The following PTPRM variants were observed in gnomAD, a reference collection of about 807,000 sequenced individuals.
The protein encoded by PTPRM is receptor-type tyrosine-protein phosphatase mu.
A neutral mutation model predicts 186.7 loss-of-function variants in PTPRM; 47 were observed. The observed-to-expected ratio is 0.25, with a 90% CI of 0.20 to 0.32. The LOEUF (loss-of-function observed/expected upper bound fraction) is 0.32. Among genes scored for constraint, PTPRM ranks in the 10% least tolerant of loss-of-function variants. The pLI, the probability that PTPRM is intolerant of heterozygous loss-of-function variation, is 1.00. For missense variants in PTPRM, 1,494 were observed against 1,865.0 expected, an observed-to-expected ratio of 0.80 and a Z score of 3.66; for synonymous variants, 668 against 674.9, an observed-to-expected ratio of 0.99 and a Z score of 0.16.
In PTPRM at chr18:8,244,170, G is replaced by C. The variant is rs777712859; in HGVS notation, c.2413G>C (p.Ala805Pro). 47 of 1,595,102 alleles carry C rather than the reference G, an allele frequency of 2.9e-5. No individual in the cohort carries two copies. Among genetic ancestry groups the C allele is most frequent in the Non-Finnish European group, 3.7e-5 (44 of 1,173,392 alleles). Reference protein sequence around the residue: ...YAEQGTNCDEAFSFMDTHNLN... With the variant: ...YAEQGTNCDEPFSFMDTHNLN... ...TGAGCAGGGCACAAACTGCGACGAG[G>C]CTTTCTCATTCATGGACACGCACAA... Residue 805 changes from alanine (A) to proline (P), a missense_variant, in exon 15 of 33, where the codon GCT becomes CCT. Physicochemically the swap from Ala to Pro is conservative, Grantham distance 27 (BLOSUM62 -1). Coordinates refer to ENST00000580170, the MANE Select transcript of PTPRM (RefSeq NM_001105244.2).
At chr18:8,202,589 ATT>A (rs11397601) in intron 14 of PTPRM, among the ~76,000 whole-genome samples, 3 of 146,634 alleles carry the variant, frequency 2.0e-5, no homozygotes, top group African/African-American at 5.0e-5. Context: ...TTGTTCTCTG[ATT>A]TTTTTTTTTT....
At chr18:8,302,492 G>A (rs2095170045) in intron 20 of PTPRM, among the ~76,000 whole-genome samples, 1 of 151,986 alleles carries the variant, frequency 6.6e-6, no homozygotes, top group Non-Finnish European at 1.5e-5. Context: ...CATTAAAGGG[G>A]TTGGGGGGGT....
At chr18:7,985,665 T>C (rs1036520192) in intron 7 of PTPRM, among the ~76,000 whole-genome samples, 1 of 150,540 alleles carries the variant, frequency 6.6e-6, no homozygotes, top group African/African-American at 2.4e-5. Context: ...TATATATATA[T>C]GTATATGTAT....
intron 24 of PTPRM, among the ~76,000 whole-genome samples, chr18:8,374,130 A>G (rs763917034): frequency 6.6e-6 from 1 of 152,224 alleles, no homozygotes; most frequent in African/African-American, 2.4e-5. Context: ...ACTCTTGTCA[A>G]TAGCAAACAT....
intron 11 of PTPRM, among the ~76,000 whole-genome samples, chr18:8,106,903 T>C (rs969368685): frequency 1.3e-5 from 2 of 152,196 alleles, no homozygotes; most frequent in African/African-American, 4.8e-5. Flanking sequence ...TGCCTTTCTC[T>C]GATAGTTGCA....
chr18:7,744,955 A>G (rs1051240983), intron 1 of PTPRM, among the ~76,000 whole-genome samples: 1 of 152,194 alleles, frequency 6.6e-6, no homozygotes, highest in Non-Finnish European at 1.5e-5. Context: ...GAGTCTTTCT[A>G]TCACTTATGT....
intron 7 of PTPRM, among the ~76,000 whole-genome samples, chr18:8,034,436 A>G (rs1351378353): frequency 2.0e-5 from 3 of 152,094 alleles, no homozygotes; most frequent in Non-Finnish European, 2.9e-5. Context: ...TGTGGGCAAA[A>G]TCTCCATTCA....
At chr18:7,631,451 GTT>G (rs74388341) in intron 1 of PTPRM, among the ~76,000 whole-genome samples, 3 of 139,794 alleles carry the variant, frequency 2.1e-5, no homozygotes, top group African/African-American at 5.2e-5. Flanking sequence ...CTACAAGGCT[GTT>G]TTTTTTTTTT....
chr18:7,827,252 A>C (rs2045534120), intron 2 of PTPRM, among the ~76,000 whole-genome samples: 1 of 152,192 alleles, frequency 6.6e-6, no homozygotes, highest in Non-Finnish European at 1.5e-5. Flanking sequence ...AAAAACAAAC[A>C]CAGTACTTTC....
intron 1 of PTPRM, among the ~76,000 whole-genome samples, chr18:7,634,770 A>G (rs540443927): frequency 6.6e-6 from 1 of 152,320 alleles, no homozygotes; most frequent in African/African-American, 2.4e-5. Flanking sequence ...TGTTTAGCCA[A>G]CTTATTTACA....
chr18:7,673,604 G>C (rs930612876), intron 1 of PTPRM, among the ~76,000 whole-genome samples: 34 of 152,166 alleles, frequency 2.2e-4, no homozygotes, highest in African/African-American at 7.7e-4. Flanking sequence ...TTTCTGTGAA[G>C]ATGATACATA....
At chr18:7,702,310 G>A (rs1467741025) in intron 1 of PTPRM, among the ~76,000 whole-genome samples, 2 of 152,202 alleles carry the variant, frequency 1.3e-5, no homozygotes, top group Non-Finnish European at 2.9e-5. Flanking sequence ...CCCACCAACA[G>A]TGTAAAAGCA....
At chr18:7,826,995 G>A (rs2145675863) in intron 2 of PTPRM, among the ~76,000 whole-genome samples, 1 of 152,282 alleles carries the variant, frequency 6.6e-6, no homozygotes, top group African/African-American at 2.4e-5. Context: ...CCAGGTACTT[G>A]GGAGGCTGAG....
chr18:8,204,836 C>T (rs111464575), intron 14 of PTPRM, among the ~76,000 whole-genome samples: 1,561 of 152,052 alleles, frequency 0.01, 33 homozygotes, highest in African/African-American at 0.035. Flanking sequence ...TTGAGGATTA[C>T]CAGGCTCGTG....
chr18:7,676,005 C>T (rs1277948369), intron 1 of PTPRM, among the ~76,000 whole-genome samples: 5 of 151,978 alleles, frequency 3.3e-5, no homozygotes, highest in African/African-American at 4.8e-5. Context: ...CCAAAGTGCT[C>T]GGATTACAGG....
chr18:7,960,480 T>TATATATATATATATATATACAC (rs1300573371), intron 7 of PTPRM, among the ~76,000 whole-genome samples: 34 of 86,568 alleles, frequency 3.9e-4, no homozygotes, highest in African/African-American at 1.4e-3. Context: ...TATATATATA[T>TATATATATATATATATATACAC]ACACACACAC....
intron 5 of PTPRM, among the ~76,000 whole-genome samples, chr18:7,935,123 G>A (rs1211163858): frequency 6.6e-6 from 1 of 151,966 alleles, no homozygotes; most frequent in Non-Finnish European, 1.5e-5. Context: ...GTAAAATTAT[G>A]GTTCCCTTCA....
At chr18:8,137,801 C>A (rs1444663550) in intron 13 of PTPRM, among the ~76,000 whole-genome samples, 1 of 152,056 alleles carries the variant, frequency 6.6e-6, no homozygotes, top group Admixed American at 6.6e-5. Context: ...CCGGTCCTTC[C>A]AGCCCATTCA....
chr18:8,332,368 C>G (rs1186122771), intron 22 of PTPRM, among the ~76,000 whole-genome samples: 1 of 152,056 alleles, frequency 6.6e-6, no homozygotes, highest in Non-Finnish European at 1.5e-5. Flanking sequence ...TGCCAATTTT[C>G]TCTTAATGAA....
Sources: gnomAD v4.1 joint callset for allele counts (sites outside exome capture counted in the v4.1 genomes callset) on GRCh38, gnomAD v4.1.1 for gene constraint, MANE v1.5 for transcripts, NCBI Gene and HGNC (gene_info 2026-07-23, HGNC 2026-07-21) for gene names.